The following TRPM3 variants were observed in gnomAD, a reference collection of about 807,000 sequenced individuals.
TRPM3 encodes long transient receptor potential channel 3.
TRPM3 carries 77 observed loss-of-function variants against 181.2 expected under a neutral mutation model. That is an observed-to-expected ratio of 0.42 (90% confidence interval 0.35 to 0.51). The LOEUF (loss-of-function observed/expected upper bound fraction) is 0.51, where lower values mean the gene tolerates loss of function less well. TRPM3 is among the 20% of genes least tolerant of loss of function. The pLI is 0.01. For synonymous variants in TRPM3, 745 were observed against 796.4 expected (o/e 0.94, Z 1.09); for missense variants, 1,759 against 2,196.7 (o/e 0.80, Z 3.98).
intron 1 of TRPM3, among the ~76,000 whole-genome samples, chr9:70,903,171 C>A (rs756713733): frequency 6.6e-6 from 1 of 152,182 alleles, no homozygotes; most frequent in Non-Finnish European, 1.5e-5. Flanking sequence ...TGTGTTGAAA[C>A]GTTAACATTT....
At chr9:71,298,352 C>T (rs2086472415) in intron 1 of TRPM3, among the ~76,000 whole-genome samples, 1 of 152,034 alleles carries the variant, frequency 6.6e-6, no homozygotes, top group Non-Finnish European at 1.5e-5. Context: ...TAAACTCATG[C>T]ACTGAGATAT....
chr9:71,352,171 G>A (rs189906128), intron 1 of TRPM3, among the ~76,000 whole-genome samples: 3 of 152,082 alleles, frequency 2.0e-5, no homozygotes, highest in Non-Finnish European at 2.9e-5. Context: ...CACTGCACCC[G>A]GCTGGAAATG....
intron 22 of TRPM3, among the ~76,000 whole-genome samples, chr9:70,561,482 G>T (rs2049057422): frequency 6.6e-6 from 1 of 152,072 alleles, no homozygotes; most frequent in East Asian, 1.9e-4. Flanking sequence ...GAAACATGAG[G>T]CTCTTTCTAT....
chr9:70,688,163 G>A (rs1268504746), intron 8 of TRPM3, among the ~76,000 whole-genome samples: 1 of 151,942 alleles, frequency 6.6e-6, no homozygotes, highest in African/African-American at 2.4e-5. Context: ...CAGCTGTTCA[G>A]GCCATCTTCC....
rs76996759 is a variant in TRPM3, at chr9:70,563,005, C to T, written c.3224-9695G>A. 0.014 allele frequency among the ~76,000 whole-genome samples: 2,104 copies of T among 152,284 alleles called. 101 individuals carry two copies. The East Asian group carries it at 0.16, about 11-fold the overall frequency. On this transcript the variant is annotated intron_variant, in intron 22 of 25. Coordinates refer to ENST00000677713, the MANE Select transcript of TRPM3 (RefSeq NM_001366145.2). ...TAAACAGGTGGGATCTCTTTCTTCACCTCTTGATTCTGAGTTTGGCCATGT... is the reference window on the plus strand; with the variant it reads ...TAAACAGGTGGGATCTCTTTCTTCATCTCTTGATTCTGAGTTTGGCCATGT...
At chr9:70,977,742 G>C (rs1192213885) in intron 1 of TRPM3, among the ~76,000 whole-genome samples, 2 of 152,138 alleles carry the variant, frequency 1.3e-5, no homozygotes, top group East Asian at 3.9e-4. Flanking sequence ...TGGAACTCAG[G>C]AAGGCACCTT....
intron 8 of TRPM3, among the ~76,000 whole-genome samples, chr9:70,682,789 G>C (rs2065797632): frequency 6.6e-6 from 1 of 152,146 alleles, no homozygotes; most frequent in South Asian, 2.1e-4. Flanking sequence ...ATCCACATTT[G>C]AGTTATTATA....
chr9:71,143,293 A>AAACCTAGTT (rs1174256538), intron 1 of TRPM3, among the ~76,000 whole-genome samples: 1 of 152,086 alleles, frequency 6.6e-6, no homozygotes, highest in Non-Finnish European at 1.5e-5. Context: ...TGCAGGTATT[A>AAACCTAGTT]AACCTAGTAC....
In TRPM3 at chr9:71,220,612, G is replaced by C. The variant is rs139610036; in HGVS notation, c.183+226041C>G. 5.2e-4 allele frequency among the ~76,000 whole-genome samples: 79 copies of C among 152,176 alleles called. No homozygotes were observed. In the Middle Eastern group the frequency reaches 0.01, roughly 20 times the overall value. On this transcript the variant is annotated intron_variant, in intron 1 of 24. Coordinates refer to the TRPM3 transcript ENST00000357533. The stretch of plus-strand genomic sequence containing the variant: ...AGACTATGTGTAAATCTTCGTCTCA[G>C]ATAGACCCCAGTTCTAATCCCAGCT...
chr9:70,873,810 C>A (rs1156873936), intron 1 of TRPM3, among the ~76,000 whole-genome samples: 1 of 151,918 alleles, frequency 6.6e-6, no homozygotes, highest in Non-Finnish European at 1.5e-5. Context: ...GTTTCCACTG[C>A]AAATCTACAG....
At chr9:70,891,158 C>A (rs1425636310) in intron 1 of TRPM3, among the ~76,000 whole-genome samples, 1 of 151,824 alleles carries the variant, frequency 6.6e-6, no homozygotes, top group African/African-American at 2.4e-5. Flanking sequence ...TACCCTAGAA[C>A]TTAAAGTATA....
intron 5 of TRPM3, among the ~76,000 whole-genome samples, chr9:70,829,819 CTTG>C (rs1337141763): frequency 6.6e-6 from 1 of 152,140 alleles, no homozygotes; most frequent in Non-Finnish European, 1.5e-5. Context: ...CCATCCTGAG[CTTG>C]TTATCACTGG....
chr9:70,681,671 A>T, intron 8 of TRPM3, 93 bp from the exon 9 acceptor site: 1 of 1,050,896 alleles, frequency 9.5e-7, no homozygotes, highest in Non-Finnish European at 1.5e-6. Flanking sequence ...GACTATCTCT[A>T]TATCTACAAA....
chr9:70,608,435 T>C (rs1433681699), intron 19 of TRPM3, among the ~76,000 whole-genome samples: 1 of 152,140 alleles, frequency 6.6e-6, no homozygotes, highest in Admixed American at 6.5e-5. Flanking sequence ...AGGCCATGGG[T>C]TGAATTTGGC....
intron 1 of TRPM3, among the ~76,000 whole-genome samples, chr9:71,341,298 T>C (rs905325119): frequency 6.6e-6 from 1 of 152,108 alleles, no homozygotes; most frequent in Non-Finnish European, 1.5e-5. Context: ...TACCCTAATA[T>C]TTGTTAATTA....
At chr9:70,878,141 G>T (rs980364569) in intron 1 of TRPM3, among the ~76,000 whole-genome samples, 1 of 151,958 alleles carries the variant, frequency 6.6e-6, no homozygotes. Context: ...ATTTGAAAGC[G>T]AATTGTTATG....
chr9:70,628,328 T>C (rs1450604306), intron 12 of TRPM3, among the ~76,000 whole-genome samples: 1 of 152,206 alleles, frequency 6.6e-6, no homozygotes, highest in Non-Finnish European at 1.5e-5. Flanking sequence ...GCCCCGGGCT[T>C]CTATCTGTCC....
intron 1 of TRPM3, among the ~76,000 whole-genome samples, chr9:71,363,772 C>A (rs2132742433): frequency 6.6e-6 from 1 of 152,240 alleles, no homozygotes; most frequent in Middle Eastern, 3.4e-3. Context: ...TGGGCACTAC[C>A]ATAATACATC....
chr9:70,937,432 A>G (rs1194223343), intron 1 of TRPM3, among the ~76,000 whole-genome samples: 1 of 152,238 alleles, frequency 6.6e-6, no homozygotes, highest in Non-Finnish European at 1.5e-5. Flanking sequence ...GGAAAGCAGT[A>G]ACTCTAATAA....
Sources: allele counts gnomAD v4.1 joint callset (sites outside exome capture counted in the v4.1 genomes callset), GRCh38; gene constraint gnomAD v4.1.1; transcripts MANE v1.5; gene names NCBI Gene and HGNC (gene_info 2026-07-23, HGNC 2026-07-21).